DOCK3: variants seen among roughly 807,000 people sequenced by gnomAD.
DOCK3 encodes dedicator of cytokinesis protein 3.
Under a neutral mutation model 265.6 loss-of-function variants are expected in DOCK3, and 60 were observed. The ratio of observed to expected loss-of-function variants is 0.23; its 90% CI spans 0.18 to 0.28. The LOEUF is 0.28. DOCK3 is among the 10% of genes least tolerant of loss of function. DOCK3 has a pLI of 1.00. For missense variants in DOCK3, 1,981 were observed against 2,594.3 expected (o/e 0.76, Z 5.14); for synonymous variants, 881 against 938.0 (o/e 0.94, Z 1.11).
At chr3:51,151,897 A>G (rs1049015884) in intron 10 of DOCK3, among the ~76,000 whole-genome samples, 4 of 152,156 alleles carry the variant, frequency 2.6e-5, no homozygotes, top group African/African-American at 9.7e-5. Flanking sequence ...TTTGTGGGTA[A>G]CCTGACTTTT....
intron 9 of DOCK3, among the ~76,000 whole-genome samples, chr3:51,094,012 T>C (rs569006283): frequency 6.6e-6 from 1 of 152,218 alleles, no homozygotes; most frequent in Non-Finnish European, 1.5e-5. Context: ...CTCCCAGGGA[T>C]GAAGCCAACT....
chr3:51,266,106 G>T (rs1048991884), intron 23 of DOCK3, among the ~76,000 whole-genome samples: 5 of 152,000 alleles, frequency 3.3e-5, no homozygotes, highest in African/African-American at 7.3e-5. Flanking sequence ...AAATACCTAG[G>T]AATACAACTT....
At chr3:51,164,724 C>T (rs2086302329) in intron 12 of DOCK3, among the ~76,000 whole-genome samples, 1 of 151,800 alleles carries the variant, frequency 6.6e-6, no homozygotes, top group Admixed American at 6.6e-5. Flanking sequence ...ACTATGTACC[C>T]ACAAAAATTA....
intron 2 of DOCK3, among the ~76,000 whole-genome samples, chr3:50,810,702 A>G (rs1164070701): frequency 6.6e-6 from 1 of 152,144 alleles, no homozygotes; most frequent in African/African-American, 2.4e-5. Flanking sequence ...AAAATATATT[A>G]AATAAAAGAG....
At chr3:51,128,277 A>G (rs942902917) in intron 9 of DOCK3, among the ~76,000 whole-genome samples, 3 of 152,166 alleles carry the variant, frequency 2.0e-5, no homozygotes, top group Non-Finnish European at 4.4e-5. Flanking sequence ...CCTGGCTATG[A>G]GAGAAACTGT....
At chr3:50,846,069 G>C in intron 3 of DOCK3, among the ~76,000 whole-genome samples, 1 of 152,144 alleles carries the variant, frequency 6.6e-6, no homozygotes, top group Admixed American at 6.5e-5. Flanking sequence ...ACATAAGAAC[G>C]TGATAATTCT....
intron 1 of DOCK3, among the ~76,000 whole-genome samples, chr3:50,709,632 A>C (rs1905515): frequency 1 from 151,839 of 152,254 alleles, 75,718 homozygotes; most frequent in Middle Eastern, 1. Context: ...TCAAGACCAG[A>C]CTGGCCAATA....
intron 7 of DOCK3, among the ~76,000 whole-genome samples, chr3:51,088,636 T>C (rs1212782996): frequency 6.6e-6 from 1 of 152,124 alleles, no homozygotes; most frequent in African/African-American, 2.4e-5. Context: ...ATAGTGATGC[T>C]CATGTAATTT....
intron 5 of DOCK3, among the ~76,000 whole-genome samples, chr3:50,996,611 A>T (rs970881428): frequency 2.2e-4 from 34 of 152,050 alleles, no homozygotes; most frequent in African/African-American, 8.2e-4. Context: ...TTGACTTTCA[A>T]TTTCTTTCTC....
rs1222806799 is a variant in DOCK3, at chr3:50,941,997, A to G, written c.315+7920A>G. ...ATTGTGGTGATAGCTATTTGAATTTACACATGTGGTTTCTTTGTAATGGAG... is the reference window on the plus strand; with the variant it reads ...ATTGTGGTGATAGCTATTTGAATTTGCACATGTGGTTTCTTTGTAATGGAG... On this transcript the variant is annotated intron_variant, in intron 5 of 52. Transcript: ENST00000266037. Among the ~76,000 whole-genome samples the G allele has an allele frequency of 2.6e-5, 4 of 152,050 alleles. 1 individual carries two copies. The highest frequency in any genetic ancestry group is 9.7e-5 in the African/African-American group (4 of 41,436).
chr3:51,079,623 G>T (rs936104266), intron 7 of DOCK3, among the ~76,000 whole-genome samples: 2 of 152,064 alleles, frequency 1.3e-5, no homozygotes, highest in African/African-American at 4.8e-5. Flanking sequence ...AAAATGCTGG[G>T]ATTACAGGCC....
chr3:51,334,552 A>G (rs940412196), intron 35 of DOCK3, among the ~76,000 whole-genome samples: 2 of 152,144 alleles, frequency 1.3e-5, no homozygotes, highest in African/African-American at 4.8e-5. Context: ...GCATCCCCCC[A>G]TTCTGTAGCA....
At chr3:50,676,367 T>C in intron 1 of DOCK3, among the ~76,000 whole-genome samples, 1 of 152,262 alleles carries the variant, frequency 6.6e-6, no homozygotes, top group Non-Finnish European at 1.5e-5. Context: ...AGAGGTCTTC[T>C]ATTCTGGTAG....
chr3:51,030,743 T>C (rs2080013696), intron 5 of DOCK3, among the ~76,000 whole-genome samples: 1 of 152,202 alleles, frequency 6.6e-6, no homozygotes, highest in Admixed American at 6.5e-5. Flanking sequence ...GGCTTCTGTT[T>C]TCTTTTAAAT....
At chr3:51,168,793 G>A (rs1330467175) in intron 12 of DOCK3, among the ~76,000 whole-genome samples, 1 of 152,112 alleles carries the variant, frequency 6.6e-6, no homozygotes, top group Non-Finnish European at 1.5e-5. Flanking sequence ...TATCAACAGA[G>A]TAAACAGAGA....
At chr3:51,138,022 A>C (rs757789371) in intron 9 of DOCK3, among the ~76,000 whole-genome samples, 6 of 152,222 alleles carry the variant, frequency 3.9e-5, no homozygotes, top group Non-Finnish European at 8.8e-5. Context: ...GCATTTATCC[A>C]ACTATGTTTC....
chr3:51,305,029 G>A (rs944925869), intron 27 of DOCK3, among the ~76,000 whole-genome samples: 94 of 152,336 alleles, frequency 6.2e-4, no homozygotes, highest in African/African-American at 2.2e-3. Flanking sequence ...TGAGGAAAAC[G>A]TGTGTATTTT....
intron 32 of DOCK3, among the ~76,000 whole-genome samples, chr3:51,319,987 A>C (rs184056798): frequency 6.6e-6 from 1 of 152,260 alleles, no homozygotes; most frequent in East Asian, 1.9e-4. Flanking sequence ...TTCTCAATAC[A>C]TAGGCTTTTT....
At chr3:51,026,200 T>C (rs2108913619) in intron 5 of DOCK3, among the ~76,000 whole-genome samples, 1 of 152,352 alleles carries the variant, frequency 6.6e-6, no homozygotes, top group Non-Finnish European at 1.5e-5. Flanking sequence ...CGTTGGATTT[T>C]ATTGAATGGT....
Sources: allele counts gnomAD v4.1 joint callset (sites outside exome capture counted in the v4.1 genomes callset), GRCh38; gene constraint gnomAD v4.1.1; transcripts MANE v1.5; gene names NCBI Gene and HGNC (gene_info 2026-07-23, HGNC 2026-07-21).